Variants in INPP4B observed in about 807,000 individuals in gnomAD.
The protein encoded by INPP4B is inositol polyphosphate-4-phosphatase type II B, also known as inositol polyphosphate 4-phosphatase type II.
In INPP4B, 55 loss-of-function variants were observed where a neutral mutation model predicts 122.5. The observed-to-expected ratio is 0.45, with a 90% CI of 0.36 to 0.56. The LOEUF (loss-of-function observed/expected upper bound fraction) is 0.56, where lower values mean the gene tolerates loss of function less well. INPP4B is among the 20% of genes least tolerant of loss of function. INPP4B has a pLI of 0.00. For missense variants in INPP4B, 1,000 were observed against 1,097.7 expected (o/e 0.91, Z 1.26); for synonymous variants, 403 against 388.7 (o/e 1.04, Z -0.43).
intron 1 of INPP4B, among the ~76,000 whole-genome samples, chr4:142,786,718 T>C (rs1041488514): frequency 6.6e-6 from 1 of 152,130 alleles, no homozygotes; most frequent in Non-Finnish European, 1.5e-5. Flanking sequence ...AAAGGCACTC[T>C]ACATTTGTCA....
chr4:142,611,637 C>CTTTTTTTTT (rs34482115), intron 2 of INPP4B, among the ~76,000 whole-genome samples: 1 of 65,236 alleles, frequency 1.5e-5, no homozygotes, highest in Non-Finnish European at 2.6e-5. Flanking sequence ...TTTCTTTTTT[C>CTTTTTTTTT]TTTTTTTTTT....
chr4:142,333,019 A>C (rs573577753), intron 7 of INPP4B, among the ~76,000 whole-genome samples: 4 of 150,738 alleles, frequency 2.7e-5, no homozygotes, highest in Non-Finnish European at 5.9e-5. Context: ...TCAAAAAAAA[A>C]AAAAAAAACA....
intron 7 of INPP4B, among the ~76,000 whole-genome samples, chr4:142,338,155 A>G (rs1163438744): frequency 6.6e-6 from 1 of 152,182 alleles, no homozygotes; most frequent in Non-Finnish European, 1.5e-5. Context: ...GTACTGATGT[A>G]TATGTAACAA....
chr4:142,673,316 G>C (rs796526180), intron 2 of INPP4B, among the ~76,000 whole-genome samples: 8 of 151,888 alleles, frequency 5.3e-5, no homozygotes, highest in African/African-American at 1.9e-4. Context: ...TTTTAAAGTA[G>C]AGATAGTGCA....
At chr4:142,606,151 GACAA>G (rs1351617421) in intron 2 of INPP4B, among the ~76,000 whole-genome samples, 4 of 151,832 alleles carry the variant, frequency 2.6e-5, no homozygotes, top group Admixed American at 6.6e-5. Context: ...GGCACAGAAA[GACAA>G]ACAGTGTGTA....
chr4:142,728,827 T>C (rs565084418), intron 1 of INPP4B, among the ~76,000 whole-genome samples: 1 of 152,316 alleles, frequency 6.6e-6, no homozygotes, highest in East Asian at 1.9e-4. Flanking sequence ...ACACTAAATT[T>C]CTCTTGTTCT....
At chr4:142,669,772 C>G (rs1250041579) in intron 2 of INPP4B, among the ~76,000 whole-genome samples, 1 of 152,022 alleles carries the variant, frequency 6.6e-6, no homozygotes, top group Admixed American at 6.6e-5. Flanking sequence ...GGATATTACC[C>G]CAAAAGCACA....
At chr4:142,070,404 G>A (rs1766483302) in intron 25 of INPP4B, among the ~76,000 whole-genome samples, 1 of 152,134 alleles carries the variant, frequency 6.6e-6, no homozygotes, top group African/African-American at 2.4e-5. Context: ...AAAACTGGAA[G>A]CATTCCCTTT....
At chr4:142,643,994 A>C (rs998233218) in intron 2 of INPP4B, among the ~76,000 whole-genome samples, 3 of 152,016 alleles carry the variant, frequency 2.0e-5, no homozygotes, top group African/African-American at 7.2e-5. Context: ...TGAGGCCAGG[A>C]GTTCCAGACT....
chr4:142,516,700 C>A (rs1434377161), intron 2 of INPP4B, among the ~76,000 whole-genome samples: 1 of 152,074 alleles, frequency 6.6e-6, no homozygotes, highest in African/African-American at 2.4e-5. Flanking sequence ...GCCCTGGAGC[C>A]TGTGTGGACA....
intron 7 of INPP4B, among the ~76,000 whole-genome samples, chr4:142,325,715 T>C (rs928489912): frequency 6.6e-6 from 1 of 152,206 alleles, no homozygotes; most frequent in Non-Finnish European, 1.5e-5. Context: ...ATGGGTCTCT[T>C]TATGTTTAAT....
At chr4:142,527,661 T>C (rs965750422) in intron 2 of INPP4B, among the ~76,000 whole-genome samples, 1 of 152,066 alleles carries the variant, frequency 6.6e-6, no homozygotes, top group African/African-American at 2.4e-5. Context: ...TTGTAACATA[T>C]AGACTAGGGA....
chr4:142,375,130 G>C (rs1207357565), intron 7 of INPP4B, among the ~76,000 whole-genome samples: 1 of 151,606 alleles, frequency 6.6e-6, no homozygotes, highest in Admixed American at 6.6e-5. Context: ...TTTTCTGAAA[G>C]GCCAGCAACC....
chr4:142,480,707 A>C (rs905738078), intron 2 of INPP4B, among the ~76,000 whole-genome samples: 3 of 152,172 alleles, frequency 2.0e-5, no homozygotes, highest in African/African-American at 7.2e-5. Flanking sequence ...GTTGATGATA[A>C]ATAAGGTCTT....
chr4:142,188,132 T>C (rs1314424218), intron 15 of INPP4B, among the ~76,000 whole-genome samples: 5 of 152,070 alleles, frequency 3.3e-5, no homozygotes, highest in Middle Eastern at 3.2e-3. Context: ...ACTGGAAAAT[T>C]ATCAGTTAAA....
intron 1 of INPP4B, among the ~76,000 whole-genome samples, chr4:142,751,425 C>T (rs1769698947): frequency 6.6e-6 from 1 of 151,630 alleles, no homozygotes; most frequent in Non-Finnish European, 1.5e-5. Flanking sequence ...TGGGTTTAAA[C>T]AGGCAAACAA....
intron 11 of INPP4B, among the ~76,000 whole-genome samples, chr4:142,251,315 A>T (rs1731912541): frequency 6.6e-6 from 1 of 152,204 alleles, no homozygotes; most frequent in Non-Finnish European, 1.5e-5. Context: ...GCTGTATTTA[A>T]CATGAACTTA....
At chr4:142,263,436 G>A (rs1483039481) in intron 10 of INPP4B, among the ~76,000 whole-genome samples, 1 of 151,588 alleles carries the variant, frequency 6.6e-6, no homozygotes, top group Admixed American at 6.6e-5. Context: ...GGAGTTATAC[G>A]CAGCCACATA....
At chr4:142,137,476 C>CAAGG (rs1223031228) in intron 18 of INPP4B, among the ~76,000 whole-genome samples, 1 of 67,504 alleles carries the variant, frequency 1.5e-5, no homozygotes, top group East Asian at 5.4e-4. Context: ...TAGGCATGGG[C>CAAGG]AAGGACTTCA....
Sources: allele counts gnomAD v4.1 joint callset (sites outside exome capture counted in the v4.1 genomes callset), GRCh38; gene constraint gnomAD v4.1.1; transcripts MANE v1.5; gene names NCBI Gene and HGNC (gene_info 2026-07-23, HGNC 2026-07-21).